Variants in TYK2 observed in about 807,000 individuals in gnomAD.
TYK2 encodes the protein non-receptor tyrosine-protein kinase TYK2.
TYK2 carries 65 observed loss-of-function variants against 130.9 expected under a neutral mutation model. The observed-to-expected ratio is 0.50, with a 90% CI of 0.41 to 0.61. TYK2 has a LOEUF of 0.61. TYK2 is among the 20% of genes least tolerant of loss of function. The pLI, the probability that TYK2 is intolerant of heterozygous loss-of-function variation, is 0.00. For missense variants in TYK2, 1,378 were observed against 1,610.7 expected, an observed-to-expected ratio of 0.86 and a Z score of 2.47; for synonymous variants, 647 against 658.9, an observed-to-expected ratio of 0.98 and a Z score of 0.28.
intron 9 of TYK2, among the ~76,000 whole-genome samples, 181 bp from the exon 10 acceptor site, chr19:10,362,838 G>A (rs1168818319): frequency 6.6e-6 from 1 of 152,172 alleles, no homozygotes; most frequent in Non-Finnish European, 1.5e-5. Flanking sequence ...GAGACACAAT[G>A]CAGCAGCAGG....
chr19:10,353,480 C>G lies in TYK2; in HGVS notation c.3027+48G>C. On this transcript the variant is annotated intron_variant, in intron 21 of 24. Transcript: ENST00000525621. This position sits in a 1 kb window ranked among gnomAD's most constrained non-coding sequence, Gnocchi z 6.9. ...ACCGGATCGCTCAGGCCAGCCCAAG[C>G]TGAAGAGGAAGGGGCAAGCTCCAGA... 1 of 1,375,622 alleles carries G rather than the reference C, an allele frequency of 7.3e-7. No homozygotes were observed. Among genetic ancestry groups the G allele is most frequent in the Non-Finnish European group, 9.7e-7 (1 of 1,027,262 alleles). The allele number at this position is 1,375,622 out of a possible 1,614,324, so 85.2% of individuals were successfully genotyped here.
At position 10,353,831 on chromosome 19, in the gene TYK2, G is replaced by T; in HGVS notation, c.2909-185C>A. 1 of 682,552 alleles carries T rather than the reference G, an allele frequency of 1.5e-6. No homozygotes were observed. Among genetic ancestry groups the T allele is most frequent in the Non-Finnish European group, 2.5e-6 (1 of 406,818 alleles). 42.3% of individuals were successfully genotyped at this position (682,552 alleles called of 1,614,324 possible). On this transcript the variant is annotated intron_variant, in intron 20 of 24. Coordinates refer to ENST00000525621, the MANE Select transcript of TYK2 (RefSeq NM_003331.5). This position sits in a 1 kb window ranked among gnomAD's most constrained non-coding sequence, Gnocchi z 6.9. The stretch of plus-strand genomic sequence containing the variant: ...ATTCTCACTTGAGGGAGCTGCTGGT[G>T]GCTCCCGTCCATCCTGGCCCCAGCA...
Position 10,361,806 on chromosome 19 carries a change from G to A in TYK2, c.1923C>T (p.Leu641=), listed in dbSNP as rs772315115. 1.9e-6 allele frequency: 3 copies of A among 1,613,740 alleles called. No individual in the cohort carries two copies. Among genetic ancestry groups the A allele is most frequent in the Admixed American group, 1.7e-5 (1 of 59,990 alleles). The change falls in exon 13 of 25, where the codon CTC becomes CTT. Residue 641 remains leucine, a synonymous_variant. Transcript: ENST00000525621. This position sits in a 1 kb window ranked among gnomAD's most constrained non-coding sequence, Gnocchi z 4.0. ...CATGGTGACTAGGGTCCAGCACTTT[G>A]AGCACCACTCGTAGCTCCTGCCCAC... ...RDRGQELRVV[L]KVLDPSHHDI... is the part of the protein sequence containing the mutation.
Position 10,353,473 on chromosome 19 carries a change from G to GCCC in TYK2, c.3027+52_3027+54dup. ...AGACTGCACCGGATCGCTCAGGCCA[G>GCCC]CCCAAGCTGAAGAGGAAGGGGCAAG... On this transcript the variant is annotated intron_variant, in intron 21 of 24. Transcript: ENST00000525621. The surrounding 1 kb of genome is among the most constrained non-coding windows in gnomAD (Gnocchi z 6.9). 1 of 1,329,336 alleles carries GCCC rather than the reference G, an allele frequency of 7.5e-7. No individual in the cohort carries two copies. The highest frequency in any genetic ancestry group is 1.6e-5 in the South Asian group (1 of 62,846). 82.3% of individuals were successfully genotyped at this position (1,329,336 alleles called of 1,614,324 possible). A position where few individuals can be genotyped will look rare whatever the true frequency, so the allele number is the denominator to read the frequency against.
Position 10,356,554 on chromosome 19 carries a change from G to T in TYK2, c.2617+14C>A, listed in dbSNP as rs748827666. On this transcript the variant is annotated intron_variant, in intron 18 of 24. Coordinates refer to ENST00000525621, the MANE Select transcript of TYK2 (RefSeq NM_003331.5). ...CCCACTTCCCCAGGGTCCCAGCACT[G>T]GGATGGAGCTCACTGTGGGGCTGCA... 10 of 1,612,334 alleles carry T rather than the reference G, an allele frequency of 6.2e-6. No individual in the cohort carries two copies. In the Admixed American group the frequency reaches 1.3e-4, roughly 22 times the overall value.
At chr19:10,377,624 ATGG>A (rs2042193909) in intron 3 of TYK2, among the ~76,000 whole-genome samples, 1 of 43,806 alleles carries the variant, frequency 2.3e-5, no homozygotes, top group African/African-American at 9.0e-5. Context: ...GGATGGGTGG[ATGG>A]GTGGGTGGAT....
intron 17 of TYK2, 33 bp downstream of exon 17, chr19:10,357,731 T>C: frequency 1.9e-6 from 3 of 1,575,988 alleles, no homozygotes; most frequent in Non-Finnish European, 1.7e-6. Flanking sequence ...GGGCCCCCAC[T>C]GCGGGGAGGG....
chr19:10,365,336 C>T (rs2041608461), intron 7 of TYK2, among the ~76,000 whole-genome samples, 181 bp downstream of exon 7: 1 of 152,140 alleles, frequency 6.6e-6, no homozygotes, highest in Admixed American at 6.5e-5. Context: ...AAATAAGGTC[C>T]CCAGGGGGTA....
intron 5 of TYK2, 81 bp from the exon 6 acceptor site, chr19:10,366,661 C>T: frequency 6.7e-7 from 1 of 1,496,402 alleles, no homozygotes; most frequent in Non-Finnish European, 9.3e-7. Flanking sequence ...CTTCTGGCTA[C>T]CCTGGACCAC....
Position 10,364,694 on chromosome 19 carries a change from G to C in TYK2, c.1287C>G (p.Asp429Glu). The change falls in exon 9 of 25, where the codon GAC becomes GAG. Residue 429 changes from aspartate (D) to glutamate (E), a missense_variant. Transcript: ENST00000525621. The surrounding 1 kb of genome is among the most constrained non-coding windows in gnomAD (Gnocchi z 4.9). ...LVDGYFRLTA[D>E]SSHYLCHEVA... Reference sequence around the variant, plus strand: ...CCTCGTGGCACAGGTAGTGGCTGGAGTCGGCCGTCAGGCGGAAATAGCCGT... The same window carrying C: ...CCTCGTGGCACAGGTAGTGGCTGGACTCGGCCGTCAGGCGGAAATAGCCGT... The C allele has an allele frequency of 6.2e-7, 1 of 1,613,724 alleles. No homozygotes were observed. The highest frequency in any genetic ancestry group is 8.5e-7 in the Non-Finnish European group (1 of 1,179,990).
intron 6 of TYK2, 115 bp downstream of exon 6, chr19:10,366,302 G>A (rs1306828864): frequency 3.1e-5 from 34 of 1,113,322 alleles, no homozygotes; most frequent in Middle Eastern, 3.1e-4. Context: ...GAGAGACTCC[G>A]GCTCAGAAAA....
intron 3 of TYK2, among the ~76,000 whole-genome samples, chr19:10,373,125 C>T (rs1243116326): frequency 1.3e-5 from 2 of 150,276 alleles, no homozygotes; most frequent in East Asian, 2.0e-4. Flanking sequence ...TAACCTCCAC[C>T]CCCTGGGTTC....
At chr19:10,356,947 C>G (rs2041133331) in intron 17 of TYK2, 2 of 584,172 alleles carry the variant, frequency 3.4e-6, no homozygotes, top group Non-Finnish European at 6.1e-6. Flanking sequence ...GTGTCACAGT[C>G]AGCCTCCTGC....
rs2304254 is a variant in TYK2 at position 10,364,656 on chromosome 19, C to T, written c.1325G>A (p.Arg442Gln). 88 of 1,613,936 alleles carry T rather than the reference C, an allele frequency of 5.5e-5. 1 individual carries two copies. Among genetic ancestry groups the T allele is most frequent in the East Asian group, 4.9e-4 (22 of 44,888 alleles). ...HYLCHEVAPP[R>Q]LVMSIRDGIH... ...CCCATCCCGGATGCTCATCACCAGCCGTGGGGGAGCCACCTCGTGGCACAG... is the reference window on the plus strand; with the variant it reads ...CCCATCCCGGATGCTCATCACCAGCTGTGGGGGAGCCACCTCGTGGCACAG... The change falls in exon 9 of 25, where the codon CGG (arginine) becomes CAG (glutamine). Residue 442 changes from arginine to glutamine, a missense_variant. Transcript: ENST00000525621. This position sits in a 1 kb window ranked among gnomAD's most constrained non-coding sequence, Gnocchi z 4.9.
At chr19:10,360,075 G>A (rs543141331) in intron 14 of TYK2, among the ~76,000 whole-genome samples, 13 of 151,998 alleles carry the variant, frequency 8.6e-5, no homozygotes, top group Admixed American at 2.6e-4. Flanking sequence ...CCAGCTATTC[G>A]GGAGGCTGAG....
Position 10,352,522 on chromosome 19 carries a change from T to C in TYK2, c.3230A>G (p.Lys1077Arg). ...CCAGACATCTGACGCATAGTAGAACTTATACTCCTTCAGGCACTCTGGGGC... is the reference window on the plus strand; with the variant it reads ...CCAGACATCTGACGCATAGTAGAACCTATACTCCTTCAGGCACTCTGGGGC... Reference protein sequence around the residue: ...WYAPECLKEYKFYYASDVWSF... With the variant: ...WYAPECLKEYRFYYASDVWSF... The change falls in exon 23 of 25, where the codon AAG (lysine) becomes AGG (arginine). Residue 1077 changes from lysine to arginine, a missense_variant. By Grantham distance (26) the Lys-to-Arg change is conservative. Coordinates refer to ENST00000525621, the MANE Select transcript of TYK2 (RefSeq NM_003331.5). The C allele has an allele frequency of 6.9e-6, 11 of 1,585,756 alleles. No homozygotes were observed. Among genetic ancestry groups the C allele is most frequent in the Non-Finnish European group, 9.5e-6 (11 of 1,163,204 alleles).
At chr19:10,357,644 C>T (rs1430703851) in intron 17 of TYK2, 120 bp downstream of exon 17, 1 of 1,401,844 alleles carries the variant, frequency 7.1e-7, no homozygotes, top group Non-Finnish European at 9.8e-7. Context: ...CTGCTGGTAG[C>T]CCAGAGAGAC....
chr19:10,358,660 T>C (rs977334189), intron 15 of TYK2, among the ~76,000 whole-genome samples: 1 of 152,164 alleles, frequency 6.6e-6, no homozygotes, highest in Non-Finnish European at 1.5e-5. Context: ...TTTGCCATAC[T>C]GGCCAGGCTG....
intron 3 of TYK2, chr19:10,368,681 A>T: frequency 2.1e-6 from 1 of 475,758 alleles, no homozygotes. Context: ...AGGGCTGGGT[A>T]CATTTCCAAG....
Sources: gnomAD v4.1 joint callset for allele counts (sites outside exome capture counted in the v4.1 genomes callset) on GRCh38, gnomAD v4.1.1 for gene constraint, Gnocchi (gnomAD v3.1) non-coding constraint, MANE v1.5 for transcripts, NCBI Gene and HGNC (gene_info 2026-07-23, HGNC 2026-07-21) for gene names.